Variants in NBAS observed in about 807,000 individuals in gnomAD.
NBAS encodes the protein NAG/BC035112 fusion.
NBAS carries 219 observed loss-of-function variants against 302.5 expected under a neutral mutation model. The observed-to-expected ratio is 0.72, with a 90% CI of 0.65 to 0.81. NBAS has a LOEUF of 0.81. Ranked by LOEUF, NBAS falls within the 30% of genes least tolerant of loss-of-function variation. NBAS has a pLI of 0.00. For missense variants in NBAS, 2,932 were observed against 2,841.6 expected (o/e 1.03, Z -0.72); for synonymous variants, 1,118 against 1,021.6 (o/e 1.09, Z -1.80).
chr2:15,303,717 A>T (rs1670908751), intron 40 of NBAS, among the ~76,000 whole-genome samples: 1 of 152,232 alleles, frequency 6.6e-6, no homozygotes, highest in Non-Finnish European at 1.5e-5. Flanking sequence ...AAAGTAATTT[A>T]CTATCAGGGA....
the NBAS span, among the ~76,000 whole-genome samples, chr2:15,071,807 T>C: frequency 6.6e-6 from 1 of 152,032 alleles, no homozygotes; most frequent in South Asian, 2.1e-4. Flanking sequence ...AAGCAACAAA[T>C]GAGCATGTCT....
the NBAS span, among the ~76,000 whole-genome samples, chr2:14,900,109 A>G: frequency 1.7e-5 from 2 of 119,298 alleles, no homozygotes; most frequent in Admixed American, 8.1e-5. Context: ...TTTAAGTCAC[A>G]TGCTTTTTTT....
In NBAS at chr2:15,340,698, G is replaced by T. The variant is rs1026685905; in HGVS notation, c.4180-9933C>A. Reference sequence around the variant, plus strand: ...GACAGAGATGATGTTTAAAGACTATGACCTAGGGTATCTAACATTTAGCTG... The same window carrying T: ...GACAGAGATGATGTTTAAAGACTATTACCTAGGGTATCTAACATTTAGCTG... On this transcript the variant is annotated intron_variant, in intron 35 of 51. Transcript: ENST00000281513. Among the ~76,000 whole-genome samples, 3 of 152,052 alleles carry T rather than the reference G, an allele frequency of 2.0e-5. No homozygotes were observed. In the South Asian group the frequency reaches 6.2e-4, roughly 32 times the overall value.
At chr2:14,857,292 A>C in the NBAS span, among the ~76,000 whole-genome samples, 2 of 152,234 alleles carry the variant, frequency 1.3e-5, no homozygotes, top group Non-Finnish European at 2.9e-5. Context: ...CAAAATACCA[A>C]TGATGTTCTT....
At chr2:15,268,844 T>G (rs1669192060) in intron 44 of NBAS, among the ~76,000 whole-genome samples, 1 of 152,186 alleles carries the variant, frequency 6.6e-6, no homozygotes, top group Non-Finnish European at 1.5e-5. Context: ...GATTGCAACT[T>G]GAGAATGGAC....
At chr2:15,454,088 T>C (rs1192069388) in intron 21 of NBAS, among the ~76,000 whole-genome samples, 2 of 152,034 alleles carry the variant, frequency 1.3e-5, no homozygotes, top group Non-Finnish European at 2.9e-5. Flanking sequence ...AGTAACAGCT[T>C]TTCTAAGAGG....
the NBAS span, among the ~76,000 whole-genome samples, chr2:15,094,892 A>T: frequency 6.6e-6 from 1 of 152,238 alleles, no homozygotes; most frequent in Non-Finnish European, 1.5e-5. Context: ...GGACCTGGCC[A>T]AATTTGAAAG....
At chr2:15,542,825 A>G (rs1663915828) in intron 6 of NBAS, among the ~76,000 whole-genome samples, 1 of 152,174 alleles carries the variant, frequency 6.6e-6, no homozygotes, top group Admixed American at 6.5e-5. Flanking sequence ...TTTTCCTCTT[A>G]TTTCATTTTG....
the NBAS span, among the ~76,000 whole-genome samples, chr2:14,926,704 T>C: frequency 1.3e-5 from 2 of 152,176 alleles, no homozygotes; most frequent in African/African-American, 4.8e-5. Flanking sequence ...ATCACCACTG[T>C]CCATCTCCAG....
Position 15,238,632 on chromosome 2 carries a change from G to C in NBAS, c.5779C>G (p.His1927Asp), listed in dbSNP as rs758862651. Residue 1927 changes from histidine (H) to aspartate (D), a missense_variant, in exon 45 of 52, where the codon CAT (histidine) becomes GAT (aspartate). His to Asp is a moderately conservative substitution (Grantham distance 81). Transcript: ENST00000281513. ...MTRKAIKTVK[H>D]FIEKPRKRNS... ...CTTTTCCTTGGCTTCTCAATAAAAT[G>C]TTTGACTGTCTTAATAGCCTTTCTA... The C allele has an allele frequency of 6.2e-7, 1 of 1,613,280 alleles. No individual in the cohort carries two copies. Among genetic ancestry groups the C allele is most frequent in the Non-Finnish European group, 8.5e-7 (1 of 1,179,854 alleles).
the NBAS span, among the ~76,000 whole-genome samples, chr2:15,059,792 G>A: frequency 6.6e-6 from 1 of 152,044 alleles, no homozygotes; most frequent in Non-Finnish European, 1.5e-5. Context: ...TGAAGCTCTG[G>A]AGGCCTGAAT....
chr2:15,045,586 C>T, the NBAS span, among the ~76,000 whole-genome samples: 2 of 152,082 alleles, frequency 1.3e-5, no homozygotes, highest in Non-Finnish European at 1.5e-5. Context: ...TGTATATATA[C>T]ATCACATTTT....
At chr2:15,230,875 C>T (rs1240551582) in intron 47 of NBAS, among the ~76,000 whole-genome samples, 1 of 152,210 alleles carries the variant, frequency 6.6e-6, no homozygotes, top group Non-Finnish European at 1.5e-5. Flanking sequence ...GCTCTGCTAC[C>T]TGCTGCATGT....
At chr2:15,456,671 C>T (rs1044351367) in intron 21 of NBAS, among the ~76,000 whole-genome samples, 28 of 152,148 alleles carry the variant, frequency 1.8e-4, no homozygotes, top group African/African-American at 6.3e-4. Flanking sequence ...AAACAAAACA[C>T]ACAAAATCGC....
At chr2:15,249,248 T>C (rs970872548) in intron 44 of NBAS, among the ~76,000 whole-genome samples, 5 of 152,208 alleles carry the variant, frequency 3.3e-5, no homozygotes, top group Non-Finnish European at 7.3e-5. Flanking sequence ...CCAAAGGTCT[T>C]TGACAAAATT....
chr2:14,783,506 T>C, the NBAS span, among the ~76,000 whole-genome samples: 3 of 132,726 alleles, frequency 2.3e-5, no homozygotes, highest in Admixed American at 1.8e-4. Flanking sequence ...GAGTGTGATG[T>C]TCCCCTTCCT....
At chr2:15,147,187 A>G in the NBAS span, among the ~76,000 whole-genome samples, 1 of 152,272 alleles carries the variant, frequency 6.6e-6, no homozygotes, top group Non-Finnish European at 1.5e-5. Context: ...ATTCAAGAAA[A>G]GGAGAACATT....
chr2:15,426,263 A>G (rs1677469808), intron 22 of NBAS, among the ~76,000 whole-genome samples: 1 of 151,818 alleles, frequency 6.6e-6, no homozygotes, highest in Non-Finnish European at 1.5e-5. Context: ...CTGATTCCCA[A>G]CTCCTTTTAC....
intron 44 of NBAS, among the ~76,000 whole-genome samples, chr2:15,249,235 G>A (rs1329577478): frequency 6.6e-6 from 1 of 151,968 alleles, no homozygotes. Context: ...CTCAATAGAC[G>A]CACCAAAGGT....
Sources: allele counts gnomAD v4.1 joint callset (sites outside exome capture counted in the v4.1 genomes callset), GRCh38; gene constraint gnomAD v4.1.1; transcripts MANE v1.5; gene names NCBI Gene and HGNC (gene_info 2026-07-23, HGNC 2026-07-21).